The following PDE1A variants were observed in gnomAD, a reference collection of about 807,000 sequenced individuals.
The protein encoded by PDE1A is dual specificity calcium/calmodulin-dependent 3',5'-cyclic nucleotide phosphodiesterase 1A.
PDE1A carries 35 observed loss-of-function variants against 61.7 expected under a neutral mutation model. The observed-to-expected ratio is 0.57, with a 90% CI of 0.43 to 0.75. PDE1A has a LOEUF of 0.75. Ranked by LOEUF, PDE1A falls within the 30% of genes least tolerant of loss-of-function variation. The pLI is 0.00. For synonymous variants in PDE1A, 232 were observed against 213.2 expected (o/e 1.09, Z -0.77); for missense variants, 597 against 630.6 (o/e 0.95, Z 0.57).
Position 182,185,563 on chromosome 2 carries a change from G to A in PDE1A, c.1516+329C>T, listed in dbSNP as rs576129031. Among the ~76,000 whole-genome samples the A allele has an allele frequency of 2.6e-5, 4 of 152,210 alleles. No homozygotes were observed. The East Asian group carries it at 7.7e-4, about 29-fold the overall frequency. Reference sequence around the variant, plus strand: ...AAGCCACTTACCAAGTAAAATCCAGGCTGGAAAGCACCTCTACGAAAGCAC... The same window carrying A: ...AAGCCACTTACCAAGTAAAATCCAGACTGGAAAGCACCTCTACGAAAGCAC... On this transcript the variant is annotated intron_variant, in intron 13 of 13. Coordinates refer to ENST00000351439, the Ensembl canonical transcript of PDE1A.
At chr2:182,179,321 C>T (rs952247821) in intron 13 of PDE1A, among the ~76,000 whole-genome samples, 1 of 152,016 alleles carries the variant, frequency 6.6e-6, no homozygotes, top group African/African-American at 2.4e-5. Context: ...TGAAACAGAA[C>T]AACATTTGTG....
At chr2:182,278,745 T>C (rs1024423270) in intron 1 of PDE1A, among the ~76,000 whole-genome samples, 4 of 152,030 alleles carry the variant, frequency 2.6e-5, no homozygotes, top group African/African-American at 9.7e-5. Flanking sequence ...GCCTTCACTC[T>C]GGTAAGTTCA....
At chr2:182,186,695 A>G (rs1685235532) in intron 11 of PDE1A, 107 bp from the exon 12 acceptor site, 2 of 1,019,076 alleles carry the variant, frequency 2.0e-6, no homozygotes, top group Non-Finnish European at 2.9e-6. Context: ...TGGGATAGCA[A>G]GAATCAACTA....
At chr2:182,464,838 C>G (rs1686546460) in intron 2 of PDE1A, among the ~76,000 whole-genome samples, 1 of 152,018 alleles carries the variant, frequency 6.6e-6, no homozygotes, top group Non-Finnish European at 1.5e-5. Context: ...GTGCTGAGAC[C>G]ACCAGAACGA....
chr2:182,203,813 G>A (rs1158218902), intron 8 of PDE1A, among the ~76,000 whole-genome samples: 1 of 151,730 alleles, frequency 6.6e-6, no homozygotes, highest in Non-Finnish European at 1.5e-5. Context: ...CAGTCTTTAA[G>A]AAGATATCCA....
chr2:182,449,470 C>T (rs1363217783), intron 2 of PDE1A, among the ~76,000 whole-genome samples: 1 of 151,814 alleles, frequency 6.6e-6, no homozygotes, highest in East Asian at 1.9e-4. Context: ...GAATAACCTC[C>T]CTCACCTCAT....
At chr2:182,569,507 G>A in the PDE1A span, among the ~76,000 whole-genome samples, 1 of 152,038 alleles carries the variant, frequency 6.6e-6, no homozygotes, top group South Asian at 2.1e-4. Flanking sequence ...TGGGCGTCAA[G>A]CAGTAGGATG....
chr2:182,568,687 A>G, the PDE1A span, among the ~76,000 whole-genome samples: 1 of 152,108 alleles, frequency 6.6e-6, no homozygotes, highest in Non-Finnish European at 1.5e-5. Context: ...AATAAATAAC[A>G]CAGAGTAGGT....
At chr2:182,393,531 A>T (rs1217258199) in intron 1 of PDE1A, among the ~76,000 whole-genome samples, 6 of 152,108 alleles carry the variant, frequency 3.9e-5, no homozygotes, top group African/African-American at 1.2e-4. Flanking sequence ...GCCAGCTTGA[A>T]TTTTTCCTCA....
the PDE1A span, among the ~76,000 whole-genome samples, chr2:182,689,060 C>T: frequency 6.6e-6 from 1 of 152,182 alleles, no homozygotes; most frequent in African/African-American, 2.4e-5. Flanking sequence ...GAGACGTAGA[C>T]TCCCACACAA....
chr2:182,626,968 GA>G, the PDE1A span, among the ~76,000 whole-genome samples: 28 of 9,624 alleles, frequency 2.9e-3, no homozygotes, highest in African/African-American at 7.3e-3. Flanking sequence ...TTGCCTTTGA[GA>G]AAAAAAAAAA....
chr2:182,426,753 T>C, exon 1 of PDE1A: 1 of 1,526,624 alleles, frequency 6.6e-7, no homozygotes, highest in South Asian at 1.3e-5. Flanking sequence ...GTTTCCTCTT[T>C]CTCTTTTTGG....
At chr2:182,562,546 G>T in the PDE1A span, among the ~76,000 whole-genome samples, 1 of 151,978 alleles carries the variant, frequency 6.6e-6, no homozygotes. Context: ...CCCGGCTTTG[G>T]TATCAGGATG....
the PDE1A span, among the ~76,000 whole-genome samples, chr2:182,715,085 G>C: frequency 6.6e-6 from 1 of 152,006 alleles, no homozygotes; most frequent in Non-Finnish European, 1.5e-5. Flanking sequence ...CCAGTTTTCT[G>C]TTTGTTTTTC....
chr2:182,218,681 G>A (rs944978039), intron 7 of PDE1A, among the ~76,000 whole-genome samples: 1 of 152,048 alleles, frequency 6.6e-6, no homozygotes, highest in African/African-American at 2.4e-5. Context: ...GGGTTGGAAT[G>A]TTTTGTAAAA....
intron 1 of PDE1A, among the ~76,000 whole-genome samples, chr2:182,293,506 C>T (rs532847189): frequency 6.6e-6 from 1 of 151,910 alleles, no homozygotes; most frequent in Non-Finnish European, 1.5e-5. Context: ...AAAAAAACAC[C>T]TATAGCCTTT....
At chr2:182,711,969 A>G in the PDE1A span, among the ~76,000 whole-genome samples, 1 of 152,234 alleles carries the variant, frequency 6.6e-6, no homozygotes, top group South Asian at 2.1e-4. Flanking sequence ...TAACATTGCC[A>G]TAGAAAAGCC....
At chr2:182,169,942 T>C (rs919697984) in intron 13 of PDE1A, among the ~76,000 whole-genome samples, 1 of 83,670 alleles carries the variant, frequency 1.2e-5, no homozygotes, top group Non-Finnish European at 2.6e-5. Context: ...ACACACACTC[T>C]CCCTCTCTCT....
In PDE1A at chr2:182,522,346, A is replaced by G. The variant is rs146265349; in HGVS notation, c.31T>C (p.Leu11=). ...AGATACTTAAAAGTGGTGTTTTCCA[A>G]TTCTTCAATCTCTGTGGCACTAGAC... The change falls in exon 2 of 15, where the codon TTG becomes CTG. Residue 11 remains leucine, a synonymous_variant. Coordinates refer to the PDE1A transcript ENST00000410103. 1,937 of 1,613,606 alleles carry G rather than the reference A, an allele frequency of 1.2e-3. 5 individuals carry two copies. The highest frequency in any genetic ancestry group is 1.0e-3 in the Non-Finnish European group (1,227 of 1,179,652).
Sources: allele counts gnomAD v4.1 joint callset (sites outside exome capture counted in the v4.1 genomes callset), GRCh38; gene constraint gnomAD v4.1.1; transcripts MANE v1.5; gene names NCBI Gene and HGNC (gene_info 2026-07-23, HGNC 2026-07-21).